The following PIGV variants were observed in gnomAD, a reference collection of about 807,000 sequenced individuals.
PIGV encodes phosphatidylinositol glycan anchor biosynthesis class V.
A neutral mutation model predicts 39.2 loss-of-function variants in PIGV; 27 were observed. The observed-to-expected ratio is 0.69, with a 90% CI of 0.51 to 0.95. The LOEUF (loss-of-function observed/expected upper bound fraction) is 0.95, where lower values mean the gene tolerates loss of function less well. PIGV is among the 40% of genes least tolerant of loss of function. The pLI is 0.00. For missense variants in PIGV, 523 were observed against 586.4 expected, an observed-to-expected ratio of 0.89 and a Z score of 1.12; for synonymous variants, 232 against 241.7, an observed-to-expected ratio of 0.96 and a Z score of 0.37.
rs569035528 is a variant in PIGV, at chr1:26,792,214, G to A, written c.78+1321G>A. Reference sequence around the variant, plus strand: ...TCCCCCCAGGCTGGAGTGCAAAGGCGCGATCTTGGCTCACTGTAACCTCTG... The same window carrying A: ...TCCCCCCAGGCTGGAGTGCAAAGGCACGATCTTGGCTCACTGTAACCTCTG... On this transcript the variant is annotated intron_variant, in intron 2 of 3. Coordinates refer to ENST00000674202, the MANE Select transcript of PIGV (RefSeq NM_017837.4). Among the ~76,000 whole-genome samples the A allele has an allele frequency of 3.6e-4, 55 of 151,930 alleles. No homozygotes were observed. The South Asian group carries it at 8.7e-3, about 24-fold the overall frequency.
upstream of PIGV, among the ~76,000 whole-genome samples, chr1:26,787,192 G>T (rs1341155437): frequency 6.6e-6 from 1 of 152,236 alleles, no homozygotes; most frequent in African/African-American, 2.4e-5. Flanking sequence ...AGGGTGCAAA[G>T]TTGTTCTAAC....
chr1:26,796,403 C>T (rs2081385030), intron 3 of PIGV, among the ~76,000 whole-genome samples: 2 of 151,992 alleles, frequency 1.3e-5, no homozygotes, highest in Non-Finnish European at 2.9e-5. Flanking sequence ...CTCCTGACCT[C>T]GTGATCCACC....
At chr1:26,792,216 G>A (rs371016122) in intron 2 of PIGV, among the ~76,000 whole-genome samples, 2 of 151,788 alleles carry the variant, frequency 1.3e-5, no homozygotes, top group African/African-American at 2.4e-5. Context: ...GCAAAGGCGC[G>A]ATCTTGGCTC....
rs2081408266 is a variant in PIGV at position 26,797,909 on chromosome 1, A to G, written c.*65A>G. The G allele has an allele frequency of 7.6e-7, 1 of 1,323,358 alleles. No homozygotes were observed. Among genetic ancestry groups the G allele is most frequent in the Non-Finnish European group, 1.1e-6 (1 of 916,106 alleles). The allele number at this position is 1,323,358 out of a possible 1,614,324, so 82.0% of individuals were successfully genotyped here. On this transcript the variant is annotated 3_prime_UTR_variant, in exon 4 of 4. Transcript: ENST00000674202. ...CAGGGGTCTGAAAGTAAAAATACAC[A>G]TTGGAACTGCCTCTGCTGCCCTGGG...
chr1:26,792,801 C>A (rs2081329216), intron 2 of PIGV, among the ~76,000 whole-genome samples: 1 of 152,312 alleles, frequency 6.6e-6, no homozygotes, highest in Non-Finnish European at 1.5e-5. Flanking sequence ...CCCAGCACTA[C>A]TTCTATTGAT....
Position 26,795,013 on chromosome 1 carries a change from A to C in PIGV, c.979A>C (p.Asn327His). The change falls in exon 3 of 4, where the codon AAT becomes CAT. Residue 327 changes from asparagine to histidine, a missense_variant. Transcript: ENST00000674202. ...LKYYELKQVP[N>H]FLLAAPVAIL... Reference sequence around the variant, plus strand: ...ATACTATGAGCTCAAGCAGGTGCCCAATTTTCTACTGGCTGCACCAGTGGC... The same window carrying C: ...ATACTATGAGCTCAAGCAGGTGCCCCATTTTCTACTGGCTGCACCAGTGGC... 6.2e-7 allele frequency: 1 copy of C among 1,614,178 alleles called. No homozygotes were observed. The highest frequency in any genetic ancestry group is 2.2e-5 in the East Asian group (1 of 44,880).
rs1249412832 is a variant in PIGV at position 26,799,534 on chromosome 1, A to G, written c.*1690A>G. 6.6e-6 allele frequency among the ~76,000 whole-genome samples: 1 copy of G among 152,208 alleles called. No individual in the cohort carries two copies. The highest frequency in any genetic ancestry group is 1.5e-5 in the Non-Finnish European group (1 of 68,032). On this transcript the variant is annotated 3_prime_UTR_variant, in exon 4 of 4. Coordinates refer to ENST00000674202, the MANE Select transcript of PIGV (RefSeq NM_017837.4). Reference sequence around the variant, plus strand: ...ATGGGTAATCATAAGCAGCTTCTGGAAAGCCTCAAGAATTGGAATTTTGAC... The same window carrying G: ...ATGGGTAATCATAAGCAGCTTCTGGGAAGCCTCAAGAATTGGAATTTTGAC...
At chr1:26,796,090 C>T (rs2081380300) in intron 3 of PIGV, among the ~76,000 whole-genome samples, 1 of 151,516 alleles carries the variant, frequency 6.6e-6, no homozygotes, top group African/African-American at 2.4e-5. Context: ...GAAATCCTGA[C>T]CTCAAGTGAT....
At position 26,800,069 on chromosome 1, in the gene PIGV, A is replaced by G. The variant is rs985742531; in HGVS notation, c.*2225A>G. Among the ~76,000 whole-genome samples the G allele has an allele frequency of 6.6e-6, 1 of 152,198 alleles. No homozygotes were observed. The highest frequency in any genetic ancestry group is 1.5e-5 in the Non-Finnish European group (1 of 68,020). ...GTAGGTGTGATGTCACTGCTCTGGCAGTCTCAGTTTAACCTTCACACTAGA... is the reference window on the plus strand; with the variant it reads ...GTAGGTGTGATGTCACTGCTCTGGCGGTCTCAGTTTAACCTTCACACTAGA... On this transcript the variant is annotated 3_prime_UTR_variant, in exon 4 of 4. Coordinates refer to ENST00000674202, the MANE Select transcript of PIGV (RefSeq NM_017837.4).
intron 3 of PIGV, among the ~76,000 whole-genome samples, chr1:26,796,641 C>A (rs114617410): frequency 1.3e-5 from 2 of 152,094 alleles, no homozygotes; most frequent in African/African-American, 4.8e-5. Flanking sequence ...TGCAAAAACA[C>A]GAGGGTTGTG....
rs757670100 is a variant in PIGV, at chr1:26,790,813, A to C, written c.-3A>C. The C allele has an allele frequency of 1.5e-5, 25 of 1,613,312 alleles. No individual in the cohort carries two copies. The highest frequency in any genetic ancestry group is 2.0e-5 in the Non-Finnish European group (24 of 1,179,254). Reference sequence around the variant, plus strand: ...ACACCCCTGAATTCCTGGTGGTGAAAGGATGTGGCCCCAGGACCCATCCCG... The same window carrying C: ...ACACCCCTGAATTCCTGGTGGTGAACGGATGTGGCCCCAGGACCCATCCCG... On this transcript the variant is annotated 5_prime_UTR_variant, in exon 2 of 4. Coordinates refer to ENST00000674202, the MANE Select transcript of PIGV (RefSeq NM_017837.4).
chr1:26,788,415 C>T (rs1246558834), intron 1 of PIGV, 147 bp downstream of exon 1: 1 of 152,304 alleles, frequency 6.6e-6, no homozygotes, highest in Admixed American at 6.5e-5. Context: ...CTTCTCCAGC[C>T]TGCGCAGGGG....
intron 1 of PIGV, among the ~76,000 whole-genome samples, chr1:26,789,972 C>T (rs34676516): frequency 0.057 from 8,618 of 152,298 alleles, 335 homozygotes; most frequent in Non-Finnish European, 0.083. Flanking sequence ...CATTCCCTGC[C>T]TCGGAGTGGC....
chr1:26,790,842 GGAGGTGCT>G lies in PIGV; in HGVS notation c.33_40del (p.Leu12CysfsTer55). ...TGTGGCCCCAGGACCCATCCCGGAA[GGAGGTGCT>G]GAGGTTTGCAGTCAGCTGCCGTATC... On this transcript the variant is annotated frameshift_variant, in exon 2 of 4. Coordinates refer to ENST00000674202, the MANE Select transcript of PIGV (RefSeq NM_017837.4). LOFTEE classifies it high-confidence loss of function. The G allele has an allele frequency of 1.2e-6, 2 of 1,614,170 alleles. No homozygotes were observed. The highest frequency in any genetic ancestry group is 1.7e-6 in the Non-Finnish European group (2 of 1,180,000).
At position 26,799,269 on chromosome 1, in the gene PIGV, C is replaced by T. The variant is rs939036386; in HGVS notation, c.*1425C>T. ...ACATGGGTCAGAGGCGCCAACACGG[C>T]GGCAGGAATTGGTAAATTGTACGTA... On this transcript the variant is annotated 3_prime_UTR_variant, in exon 4 of 4. Transcript: ENST00000674202. Among the ~76,000 whole-genome samples the T allele has an allele frequency of 3.3e-5, 5 of 152,134 alleles. No homozygotes were observed. The highest frequency in any genetic ancestry group is 2.0e-4 in the Admixed American group (3 of 15,256).
intron 2 of PIGV, 131 bp downstream of exon 2, chr1:26,791,024 C>G (rs1209023319): frequency 1.1e-5 from 8 of 735,112 alleles, no homozygotes; most frequent in Non-Finnish European, 1.9e-5. Flanking sequence ...GAGACATAGA[C>G]TTTAGAGCTG....
Position 26,790,775 on chromosome 1 carries a change from A to C in PIGV, c.-41A>C, listed in dbSNP as rs985754870. On this transcript the variant is annotated 5_prime_UTR_variant, in exon 2 of 4. Coordinates refer to ENST00000674202, the MANE Select transcript of PIGV (RefSeq NM_017837.4). ...GGGGTTTAGAGGCCTGAGGGAGCTCAATCCTGGTAGCAACACCCCTGAATT... is the reference window on the plus strand; with the variant it reads ...GGGGTTTAGAGGCCTGAGGGAGCTCCATCCTGGTAGCAACACCCCTGAATT... 1 of 1,545,372 alleles carries C rather than the reference A, an allele frequency of 6.5e-7. No individual in the cohort carries two copies. Among genetic ancestry groups the C allele is most frequent in the African/African-American group, 1.4e-5 (1 of 73,692 alleles).
chr1:26,791,161 G>C (rs1054788555), intron 2 of PIGV, among the ~76,000 whole-genome samples: 1 of 152,198 alleles, frequency 6.6e-6, no homozygotes, highest in Non-Finnish European at 1.5e-5. Context: ...GCTGGAGTTT[G>C]ACCCCATGTT....
At chr1:26,795,344 A>T (rs1570645024) in intron 3 of PIGV, 110 bp downstream of exon 3, 2 of 1,251,682 alleles carry the variant, frequency 1.6e-6, no homozygotes, top group Non-Finnish European at 2.3e-6. Flanking sequence ...TACTGAATTT[A>T]TTCATTCAAT....
Sources: allele counts gnomAD v4.1 joint callset (sites outside exome capture counted in the v4.1 genomes callset), GRCh38; gene constraint gnomAD v4.1.1; transcripts MANE v1.5; gene names NCBI Gene and HGNC (gene_info 2026-07-23, HGNC 2026-07-21).